MAGEC1: variants seen among roughly 807,000 people sequenced by gnomAD.
The protein encoded by MAGEC1 is MAGE family member C1, also known as melanoma-associated antigen C1.
Under a neutral mutation model 1.5 loss-of-function variants are expected in MAGEC1, and 3 were observed. The ratio of observed to expected loss-of-function variants is 1.97; its 90% CI spans 0.90 to 5.10. The LOEUF (loss-of-function observed/expected upper bound fraction) is 5.10. MAGEC1 is among the 30% of genes most tolerant of loss of function. The pLI is 0.02. For synonymous variants in MAGEC1, 357 were observed against 310.4 expected (o/e 1.15, Z -1.58); for missense variants, 985 against 803.1 (o/e 1.23, Z -2.74).
chrX:141,907,519 G>C lies in MAGEC1; in HGVS notation c.2115G>C (p.Leu705=), dbSNP rs758519709. 1 of 1,200,884 alleles carries C rather than the reference G, an allele frequency of 8.3e-7. No homozygotes were observed. Among genetic ancestry groups the C allele is most frequent in the Non-Finnish European group, 1.1e-6 (1 of 890,100 alleles). Residue 705 remains leucine, a synonymous_variant, in exon 4 of 4, where the codon CTG becomes CTC. Coordinates refer to ENST00000285879, the MANE Select transcript of MAGEC1 (RefSeq NM_005462.5). ...PQSPLEGEDS[L]SSLHFPQSPP... The stretch of plus-strand genomic sequence containing the variant: ...GTCCTCTTGAGGGAGAGGACTCCCT[G>C]TCTTCTCTCCATTTTCCTCAGAGTC...
At position 141,908,534 on chromosome X, in the gene MAGEC1, C is replaced by A; in HGVS notation, c.3130C>A (p.Leu1044Ile). Residue 1044 changes from leucine to isoleucine, a missense_variant, in exon 4 of 4, where the codon CTC (leucine) becomes ATC (isoleucine). Leu to Ile is a conservative substitution (Grantham distance 5). Transcript: ENST00000285879. ...HFAFGEPREL[L>I]TKVWVQEHYL... is the part of the protein sequence containing the mutation. ...TGCCTTTGGGGAGCCCAGGGAGCTC[C>A]TCACTAAAGTTTGGGTGCAGGAACA... is the stretch of plus-strand genomic sequence containing the variant. The A allele has an allele frequency of 8.4e-7, 1 of 1,193,742 alleles. No homozygotes were observed. The highest frequency in any genetic ancestry group is 1.1e-6 in the Non-Finnish European group (1 of 886,298).
rs199795860 is a variant in MAGEC1 at position 141,906,909 on chromosome X, C to G, written c.1505C>G (p.Thr502Ser). The G allele has an allele frequency of 8.3e-7, 1 of 1,210,289 alleles. No homozygotes were observed. Among genetic ancestry groups the G allele is most frequent in the East Asian group, 3.0e-5 (1 of 33,711 alleles). The change falls in exon 4 of 4, where the codon ACT becomes AGT. Residue 502 changes from threonine to serine, a missense_variant. Physicochemically the swap from Thr to Ser is moderately conservative, Grantham distance 58 (BLOSUM62 1). Coordinates refer to ENST00000285879, the MANE Select transcript of MAGEC1 (RefSeq NM_005462.5). ...CTTTTCCAGAGTTCCCCTGAGTGTA[C>G]TCAAAGTACTTTTGAGGGTTTTCCC... ...LSLFQSSPEC[T>S]QSTFEGFPQS... is the part of the protein sequence containing the mutation.
chrX:141,908,391 A>G lies in MAGEC1; in HGVS notation c.2987A>G (p.Gln996Arg). 1 of 1,211,578 alleles carries G rather than the reference A, an allele frequency of 8.3e-7. No individual in the cohort carries two copies. The highest frequency in any genetic ancestry group is 1.1e-6 in the Non-Finnish European group (1 of 895,399). Residue 996 changes from glutamine to arginine, a missense_variant, in exon 4 of 4, where the codon CAG becomes CGG. Gln to Arg is a conservative substitution (Grantham distance 43, BLOSUM62 1). Coordinates refer to ENST00000285879, the MANE Select transcript of MAGEC1 (RefSeq NM_005462.5). Reference protein sequence around the residue: ...GCLSDEQGMSQNRLLILILSI... With the variant: ...GCLSDEQGMSRNRLLILILSI... ...CTGAGTGATGAGCAGGGCATGTCCC[A>G]GAACCGCCTCCTGATTCTTATTCTG...
chrX:141,905,760 C>T lies in MAGEC1; in HGVS notation c.356C>T (p.Pro119Leu). Residue 119 changes from proline to leucine, a missense_variant, in exon 4 of 4, where the codon CCT becomes CTT. By Grantham distance (98) the Pro-to-Leu change is moderately conservative (BLOSUM62 -3). Coordinates refer to ENST00000285879, the MANE Select transcript of MAGEC1 (RefSeq NM_005462.5). ...CCTCTAGAGATTTCTCAGAGCCCTC[C>T]TGAGGGTGAGGATGTCCAGTCTCCT... ...LSPLEISQSP[P>L]EGEDVQSPLQ... 1.6e-6 allele frequency: 2 copies of T among 1,212,163 alleles called. No homozygotes were observed. The highest frequency in any genetic ancestry group is 1.1e-6 in the Non-Finnish European group (1 of 895,436).
At position 141,905,743 on chromosome X, in the gene MAGEC1, G is replaced by A. The variant is rs1384966090; in HGVS notation, c.339G>A (p.Glu113=). ...GGAAGGACTCCCTGTCTCCTCTAGA[G>A]ATTTCTCAGAGCCCTCCTGAGGGTG... The part of the protein sequence containing the change: ...PEGKDSLSPL[E]ISQSPPEGED... The change falls in exon 4 of 4, where the codon GAG becomes GAA. Residue 113 remains glutamate (E), a synonymous_variant. Transcript: ENST00000285879. 1.2e-5 allele frequency: 15 copies of A among 1,210,688 alleles called. No individual in the cohort carries two copies. The highest frequency in any genetic ancestry group is 1.5e-5 in the Non-Finnish European group (13 of 895,236).
At position 141,908,188 on chromosome X, in the gene MAGEC1, T is replaced by TAGGCTGCTTTGTG. The variant is rs1244752380; in HGVS notation, c.2785_2786insGGCTGCTTTGTGA (p.Ile929ArgfsTer31). 1 of 1,209,928 alleles carries TAGGCTGCTTTGTG rather than the reference T, an allele frequency of 8.3e-7. No homozygotes were observed. Among genetic ancestry groups the TAGGCTGCTTTGTG allele is most frequent in the African/African-American group, 1.8e-5 (1 of 57,116 alleles). ...TCCTCAAATATCAAGTGAAGCAGCC[T>TAGGCTGCTTTGTG]ATCACAAAGGCAGAGATGCTGACGA... On this transcript the variant is annotated frameshift_variant, in exon 4 of 4. Coordinates refer to ENST00000285879, the MANE Select transcript of MAGEC1 (RefSeq NM_005462.5). LOFTEE classifies it low-confidence loss of function (END_TRUNC).
chrX:141,908,607 A>T lies in MAGEC1; in HGVS notation c.3203A>T (p.Glu1068Val), dbSNP rs1402403339. 2.5e-6 allele frequency: 3 copies of T among 1,208,032 alleles called. No homozygotes were observed. The highest frequency in any genetic ancestry group is 3.4e-6 in the Non-Finnish European group (3 of 894,174). ...EVPNSSPPRY[E>V]FLWGPRAHSE... ...CCCAACTCTTCTCCTCCTCGTTACG[A>T]ATTCCTGTGGGGTCCAAGAGCTCAT... The change falls in exon 4 of 4, where the codon GAA (glutamate) becomes GTA (valine). Residue 1068 changes from glutamate to valine, a missense_variant. Physicochemically the swap from Glu to Val is moderately radical, Grantham distance 121. Coordinates refer to ENST00000285879, the MANE Select transcript of MAGEC1 (RefSeq NM_005462.5).
Position 141,906,715 on chromosome X carries a change from T to C in MAGEC1, c.1311T>C (p.Gly437=). The C allele has an allele frequency of 8.3e-7, 1 of 1,203,448 alleles. No homozygotes were observed. The highest frequency in any genetic ancestry group is 1.1e-6 in the Non-Finnish European group (1 of 891,060). Residue 437 remains glycine, a synonymous_variant, in exon 4 of 4, where the codon GGT becomes GGC. Coordinates refer to ENST00000285879, the MANE Select transcript of MAGEC1 (RefSeq NM_005462.5). ...SPESAQSAFE[G]FPQSPLQIPV... is the part of the protein sequence containing the mutation. ...AGAGTGCTCAAAGTGCTTTTGAGGG[T>C]TTTCCCCAGTCTCCTCTCCAGATTC...
At position 141,906,340 on chromosome X, in the gene MAGEC1, C is replaced by T. The variant is rs1926885213; in HGVS notation, c.936C>T (p.Ser312=). 1.8e-6 allele frequency: 2 copies of T among 1,111,977 alleles called. No homozygotes were observed. The highest frequency in any genetic ancestry group is 1.9e-5 in the South Asian group (1 of 53,201). The allele number at this position is 1,111,977 out of a possible 1,213,427, so 91.6% of individuals were successfully genotyped here. A position where few individuals can be genotyped will look rare whatever the true frequency, so the allele number is the denominator to read the frequency against. The change falls in exon 4 of 4, where the codon TCC becomes TCT. Residue 312 remains serine, a synonymous_variant. Transcript: ENST00000285879. ...PLQIPVSSSS[S]STLLSLFQSS... ...AGATTCCTGTGAGCTCCTCCTCCTC[C>T]TCCACTTTATTGAGTCTTTTCCAGA...
rs746869376 is a variant in MAGEC1, at chrX:141,908,874, G to T, written c.*41G>T. The T allele has an allele frequency of 3.6e-6, 4 of 1,113,451 alleles. No individual in the cohort carries two copies. The East Asian group carries it at 9.0e-5, about 25-fold the overall frequency. 91.8% of individuals were successfully genotyped at this position (1,113,451 alleles called of 1,213,427 possible). Reference sequence around the variant, plus strand: ...CTTCCCTCTGAGTTTGAAGGGGGCAGTCGAGTTTCTACGTGGTGGAGGGCC... The same window carrying T: ...CTTCCCTCTGAGTTTGAAGGGGGCATTCGAGTTTCTACGTGGTGGAGGGCC... On this transcript the variant is annotated 3_prime_UTR_variant, in exon 4 of 4. Transcript: ENST00000285879.
rs751526891 is a variant in MAGEC1, at chrX:141,907,271, T to G, written c.1867T>G (p.Ser623Ala). ...QSPLQGEEFQ[S>A]SLQSPVSICS... ...TCCTCTTCAGGGGGAGGAATTCCAG[T>G]CTTCTCTCCAGAGCCCTGTGAGCAT... Residue 623 changes from serine to alanine, a missense_variant, in exon 4 of 4, where the codon TCT becomes GCT. Ser to Ala is a moderately conservative substitution (Grantham distance 99, BLOSUM62 1). Transcript: ENST00000285879. 8.3e-7 allele frequency: 1 copy of G among 1,207,953 alleles called. No individual in the cohort carries two copies. Among genetic ancestry groups the G allele is most frequent in the Non-Finnish European group, 1.1e-6 (1 of 894,477 alleles).
Position 141,906,946 on chromosome X carries a change from C to A in MAGEC1, c.1542C>A (p.Leu514=). ...STFEGFPQSP[L]QIPQSPPEGE... ...TTGAGGGTTTTCCCCAGTCTCCTCT[C>A]CAGATTCCTCAGAGTCCTCCTGAAG... The change falls in exon 4 of 4, where the codon CTC becomes CTA. Residue 514 remains leucine (L), a synonymous_variant. Coordinates refer to ENST00000285879, the MANE Select transcript of MAGEC1 (RefSeq NM_005462.5). The A allele has an allele frequency of 3.3e-6, 4 of 1,212,251 alleles. No individual in the cohort carries two copies. The highest frequency in any genetic ancestry group is 4.5e-6 in the Non-Finnish European group (4 of 895,572).
chrX:141,905,585 G>A lies in MAGEC1; in HGVS notation c.181G>A (p.Glu61Lys), dbSNP rs763107911. 17 of 1,204,025 alleles carry A rather than the reference G, an allele frequency of 1.4e-5. No individual in the cohort carries two copies. The highest frequency in any genetic ancestry group is 1.8e-5 in the Non-Finnish European group (16 of 893,354). The change falls in exon 4 of 4, where the codon GAG becomes AAG. Residue 61 changes from glutamate to lysine, a missense_variant. Transcript: ENST00000285879. ...GAGTCCTCAGAGTCGTTCTGAGGGG[G>A]AGGACTCCTCGGATCCTCTCCAGAG... is the stretch of plus-strand genomic sequence containing the variant. The part of the protein sequence containing the change: ...LQSPQSRSEG[E>K]DSSDPLQRPP...
At position 141,908,898 on chromosome X, in the gene MAGEC1, C is replaced by T; in HGVS notation, c.*65C>T. On this transcript the variant is annotated 3_prime_UTR_variant, in exon 4 of 4. Transcript: ENST00000285879. ...AGTCGAGTTTCTACGTGGTGGAGGG[C>T]CTGGTTGAGGCTGGAGAGAACACAG... is the stretch of plus-strand genomic sequence containing the variant. 1.0e-6 allele frequency: 1 copy of T among 990,553 alleles called. No homozygotes were observed. The allele number at this position is 990,553 out of a possible 1,213,427, so 81.6% of individuals were successfully genotyped here. A position where few individuals can be genotyped will look rare whatever the true frequency, so the allele number is the denominator to read the frequency against.
rs1016422714 is a variant in MAGEC1, at chrX:141,905,545, C to T, written c.141C>T (p.Thr47=). 1 of 1,208,035 alleles carries T rather than the reference C, an allele frequency of 8.3e-7. No individual in the cohort carries two copies. The highest frequency in any genetic ancestry group is 1.1e-6 in the Non-Finnish European group (1 of 894,455). ...IPQSSPESDD[T]LYPLQSPQSR... ...AGAGTTCTCCTGAGAGCGACGACAC[C>T]CTGTATCCTCTCCAGAGTCCTCAGA... Residue 47 remains threonine (T), a synonymous_variant, in exon 4 of 4, where the codon ACC becomes ACT. Coordinates refer to ENST00000285879, the MANE Select transcript of MAGEC1 (RefSeq NM_005462.5).
At position 141,908,833 on chromosome X, in the gene MAGEC1, A is replaced by G; in HGVS notation, c.3429A>G (p.Ter1143TrpextTer64). 1 of 1,187,860 alleles carries G rather than the reference A, an allele frequency of 8.4e-7. No individual in the cohort carries two copies. The highest frequency in any genetic ancestry group is 1.1e-6 in the Non-Finnish European group (1 of 882,953). The change falls in exon 4 of 4, where the codon TGA (stop) becomes TGG (tryptophan). Residue 1143 changes from the stop codon to tryptophan, a stop_lost. Transcript: ENST00000285879. ...TGTCCCCCAGCTTCTCTTCTGAGTG[A>G]AGTCTAGGGCAGATTCTTCCCTCTG... is the stretch of plus-strand genomic sequence containing the variant. ...SVMSPSFSSE* is the reference protein window; with the variant it reads ...SVMSPSFSSEW
rs1201672060 is a variant in MAGEC1, at chrX:141,905,798, G to A, written c.394G>A (p.Ala132Thr). 8.2e-7 allele frequency: 1 copy of A among 1,212,266 alleles called. No homozygotes were observed. The highest frequency in any genetic ancestry group is 1.1e-6 in the Non-Finnish European group (1 of 895,614). The change falls in exon 4 of 4, where the codon GCG becomes ACG. Residue 132 changes from alanine to threonine, a missense_variant. Transcript: ENST00000285879. ...TGTCCAGTCTCCTCTGCAGAATCCT[G>A]CGAGTTCCTTCTTCTCCTCTGCTTT... ...EDVQSPLQNP[A>T]SSFFSSALLS...
Position 141,907,478 on chromosome X carries a change from C to T in MAGEC1, c.2074C>T (p.Leu692Phe), listed in dbSNP as rs1300007338. 3.3e-6 allele frequency: 4 copies of T among 1,204,264 alleles called. No homozygotes were observed. In the South Asian group the frequency reaches 5.3e-5, roughly 16 times the overall value. Residue 692 changes from leucine (L) to phenylalanine (F), a missense_variant, in exon 4 of 4, where the codon CTC becomes TTC. Physicochemically the swap from Leu to Phe is conservative, Grantham distance 22 (BLOSUM62 0). Coordinates refer to ENST00000285879, the MANE Select transcript of MAGEC1 (RefSeq NM_005462.5). The part of the protein sequence containing the change: ...APEGEDSLSP[L>F]QIPQSPLEGE... ...TGAGGGGGAGGATTCCCTGTCTCCT[C>T]TCCAAATTCCTCAGAGTCCTCTTGA...
Position 141,907,301 on chromosome X carries a change from T to C in MAGEC1, c.1897T>C (p.Ser633Pro), listed in dbSNP as rs773817278. 8.0e-5 allele frequency: 97 copies of C among 1,205,664 alleles called. No individual in the cohort carries two copies. In the South Asian group the frequency reaches 9.0e-4, roughly 11 times the overall value. The stretch of plus-strand genomic sequence containing the variant: ...TCTCCAGAGCCCTGTGAGCATCTGC[T>C]CCTCCTCCACTCCATCCAGTCTTCC... ...SSLQSPVSICSSSTPSSLPQS... is the reference protein window; with the variant it reads ...SSLQSPVSICPSSTPSSLPQS... The change falls in exon 4 of 4, where the codon TCC becomes CCC. Residue 633 changes from serine to proline, a missense_variant. Transcript: ENST00000285879.
Sources: allele counts gnomAD v4.1 joint callset, GRCh38; gene constraint gnomAD v4.1.1; transcripts MANE v1.5; gene names NCBI Gene and HGNC (gene_info 2026-07-23, HGNC 2026-07-21).